Variants in ILKAP observed in about 807,000 individuals in gnomAD.
ILKAP encodes ILK associated serine/threonine phosphatase.
In ILKAP, 11 loss-of-function variants were observed where a neutral mutation model predicts 49.1. The observed-to-expected ratio is 0.22, with a 90% CI of 0.14 to 0.37. The LOEUF (loss-of-function observed/expected upper bound fraction) is 0.37, where lower values mean the gene tolerates loss of function less well. Ranked by LOEUF, ILKAP falls within the 10% of genes least tolerant of loss-of-function variation. ILKAP has a pLI of 1.00. For synonymous variants in ILKAP, 186 were observed against 192.8 expected, an observed-to-expected ratio of 0.96 and a Z score of 0.29; for missense variants, 363 against 510.8, an observed-to-expected ratio of 0.71 and a Z score of 2.79.
At chr2:238,190,877 T>A (rs866583064) in intron 3 of ILKAP, among the ~76,000 whole-genome samples, 8 of 95,136 alleles carry the variant, frequency 8.4e-5, no homozygotes, top group African/African-American at 2.6e-4. Flanking sequence ...CGTTTCTCTT[T>A]AAAAAAAAAA....
chr2:238,185,134 C>G, intron 6 of ILKAP, 47 bp downstream of exon 6: 1 of 1,209,296 alleles, frequency 8.3e-7, no homozygotes. Flanking sequence ...GCCAACCAAA[C>G]AGCAATAACC....
intron 6 of ILKAP, among the ~76,000 whole-genome samples, 175 bp from the exon 7 acceptor site, chr2:238,184,288 C>T (rs768349643): frequency 2.0e-5 from 3 of 152,232 alleles, no homozygotes; most frequent in East Asian, 1.9e-4. Flanking sequence ...CTCCCAGGTT[C>T]AAGAGATTCT....
chr2:238,171,395 A>G lies in ILKAP; in HGVS notation c.957-371T>C, dbSNP rs554905211. Among the ~76,000 whole-genome samples, 13 of 152,280 alleles carry G rather than the reference A, an allele frequency of 8.5e-5. No individual in the cohort carries two copies. The South Asian group carries it at 1.5e-3, about 17-fold the overall frequency. On this transcript the variant is annotated intron_variant, in intron 10 of 11. Coordinates refer to ENST00000254654, the MANE Select transcript of ILKAP (RefSeq NM_030768.3). Reference sequence around the variant, plus strand: ...AGGCTGGTCTCAAACTCCTAACCTCAGGTGATTCACCTGCCTCAGCCTCCC... The same window carrying G: ...AGGCTGGTCTCAAACTCCTAACCTCGGGTGATTCACCTGCCTCAGCCTCCC...
At chr2:238,197,485 C>T (rs1694393942) in intron 1 of ILKAP, among the ~76,000 whole-genome samples, 1 of 152,192 alleles carries the variant, frequency 6.6e-6, no homozygotes, top group Non-Finnish European at 1.5e-5. Flanking sequence ...CATATTTTAA[C>T]TTTTGAATTA....
At position 238,170,473 on chromosome 2, in the gene ILKAP, G is replaced by A; in HGVS notation, c.*63C>T. The A allele has an allele frequency of 2.6e-6, 4 of 1,514,584 alleles. No homozygotes were observed. Among genetic ancestry groups the A allele is most frequent in the Non-Finnish European group, 2.7e-6 (3 of 1,120,120 alleles). 93.8% of individuals were successfully genotyped at this position (1,514,584 alleles called of 1,614,324 possible). A position where few individuals can be genotyped will look rare whatever the true frequency, so the allele number is the denominator to read the frequency against. ...CAGGAGTACACAAAACACACAATGT[G>A]CACACACACAAAATGAACCTTTTAA... On this transcript the variant is annotated 3_prime_UTR_variant, in exon 12 of 12. Coordinates refer to ENST00000254654, the MANE Select transcript of ILKAP (RefSeq NM_030768.3).
intron 1 of ILKAP, 37 bp downstream of exon 1, chr2:238,203,462 T>C: frequency 1.7e-6 from 2 of 1,209,008 alleles, no homozygotes; most frequent in Non-Finnish European, 2.1e-6. Context: ...CCGCCTGCTC[T>C]CCCTTCCCTG....
At chr2:238,197,446 A>G (rs576011610) in intron 1 of ILKAP, among the ~76,000 whole-genome samples, 1 of 152,324 alleles carries the variant, frequency 6.6e-6, no homozygotes, top group South Asian at 2.1e-4. Context: ...CAACATGAAG[A>G]GCAAACAACC....
At chr2:238,184,823 A>G (rs1037586115) in intron 6 of ILKAP, among the ~76,000 whole-genome samples, 2 of 151,830 alleles carry the variant, frequency 1.3e-5, no homozygotes, top group African/African-American at 4.8e-5. Flanking sequence ...TTGGCCTCCC[A>G]AAGTGCTGTG....
intron 2 of ILKAP, 40 bp downstream of exon 2, chr2:238,194,765 G>C (rs1694276322): frequency 6.3e-7 from 1 of 1,584,118 alleles, no homozygotes; most frequent in Non-Finnish European, 8.7e-7. Context: ...AGGATGAGTA[G>C]AGACGTTGAC....
chr2:238,196,828 T>C (rs1694364112), intron 1 of ILKAP, among the ~76,000 whole-genome samples: 1 of 152,202 alleles, frequency 6.6e-6, no homozygotes, highest in Non-Finnish European at 1.5e-5. Context: ...AATTAAGGAA[T>C]TGCAAATACT....
rs1419055346 is a variant in ILKAP at position 238,202,116 on chromosome 2, T to G, written c.55+1383A>C. 2.6e-5 allele frequency among the ~76,000 whole-genome samples: 4 copies of G among 152,250 alleles called. No individual in the cohort carries two copies. In the South Asian group the frequency reaches 6.2e-4, roughly 24 times the overall value. On this transcript the variant is annotated intron_variant, in intron 1 of 11. Transcript: ENST00000254654. ...GGTCGGCGCCTGTAATCTCAGCTAG[T>G]AGGGAGGCCTAGGCAGGAGAATTGT...
At position 238,194,986 on chromosome 2, in the gene ILKAP, T is replaced by A. The variant is rs996773831; in HGVS notation, c.56-116A>T. 17 of 807,578 alleles carry A rather than the reference T, an allele frequency of 2.1e-5. No individual in the cohort carries two copies. The South Asian group carries it at 2.9e-4, about 14-fold the overall frequency. 50.0% of individuals were successfully genotyped at this position (807,578 alleles called of 1,614,324 possible). ...ACACAAGTTTGCTATTAGATTCTAA[T>A]TTTCTCCTTCCTGTTGGGCAAATTT... On this transcript the variant is annotated intron_variant, in intron 1 of 11. Transcript: ENST00000254654.
chr2:238,180,832 T>C (rs1693659165), intron 9 of ILKAP, among the ~76,000 whole-genome samples: 1 of 152,206 alleles, frequency 6.6e-6, no homozygotes, highest in African/African-American at 2.4e-5. Context: ...ATCCAATTAT[T>C]TTCAAGGAGT....
intron 5 of ILKAP, among the ~76,000 whole-genome samples, chr2:238,187,493 C>T (rs963783424): frequency 2.8e-4 from 42 of 152,038 alleles, no homozygotes; most frequent in Admixed American, 5.2e-4. Flanking sequence ...AACTTAATGT[C>T]CTACCTTCTG....
At position 238,188,147 on chromosome 2, in the gene ILKAP, G is replaced by T; in HGVS notation, c.409C>A (p.Pro137Thr). 6.2e-7 allele frequency: 1 copy of T among 1,614,098 alleles called. No homozygotes were observed. Among genetic ancestry groups the T allele is most frequent in the Non-Finnish European group, 8.5e-7 (1 of 1,180,030 alleles). Reference protein sequence around the residue: ...ILNDITEECRPPSSLITRVSY... With the variant: ...ILNDITEECRTPSSLITRVSY... ...GAGACTCACATGAGGGACGATGGGG[G>T]CCTACACTCCTCGGTGATGTCGTTC... The change falls in exon 5 of 12, where the codon CCC becomes ACC. Residue 137 changes from proline (P) to threonine (T), a missense_variant. This residue lies in a region of ILKAP where 166 missense variants were observed against 307.3 expected (regional missense o/e 0.54). Transcript: ENST00000254654.
At chr2:238,186,012 C>G (rs952773768) in intron 5 of ILKAP, 15 of 152,204 alleles carry the variant, frequency 9.9e-5, no homozygotes, top group African/African-American at 3.4e-4. Context: ...AAATTCAGAA[C>G]TCCGTTCCTA....
chr2:238,193,070 T>G (rs1048120781), intron 3 of ILKAP, among the ~76,000 whole-genome samples: 1 of 152,220 alleles, frequency 6.6e-6, no homozygotes, highest in Non-Finnish European at 1.5e-5. Flanking sequence ...CCCAAGATTA[T>G]ATATCCAAAA....
At chr2:238,176,415 G>A (rs1038941644) in intron 9 of ILKAP, among the ~76,000 whole-genome samples, 1 of 152,174 alleles carries the variant, frequency 6.6e-6, no homozygotes, top group Admixed American at 6.5e-5. Context: ...ACAGGCGTGA[G>A]CCACCACGCC....
chr2:238,199,900 C>T (rs1458030177), intron 1 of ILKAP, among the ~76,000 whole-genome samples: 1 of 152,094 alleles, frequency 6.6e-6, no homozygotes, highest in African/African-American at 2.4e-5. Context: ...CAAGTATGCG[C>T]CATCGAGCCC....
Sources: gnomAD v4.1 joint callset for allele counts (sites outside exome capture counted in the v4.1 genomes callset) on GRCh38, gnomAD v4.1.1 for gene constraint, gnomAD v4.1.1 regional missense constraint, MANE v1.5 for transcripts, NCBI Gene and HGNC (gene_info 2026-07-23, HGNC 2026-07-21) for gene names.